CASR: variants seen among roughly 807,000 people sequenced by gnomAD.
The protein encoded by CASR is calcium sensing receptor, also known as extracellular calcium-sensing receptor.
Under a neutral mutation model 69.1 loss-of-function variants are expected in CASR, and 23 were observed. That is an observed-to-expected ratio of 0.33 (90% confidence interval 0.24 to 0.47). CASR has a LOEUF of 0.47. Among genes scored for constraint, CASR ranks in the 20% least tolerant of loss-of-function variants. The pLI, the probability that CASR is intolerant of heterozygous loss-of-function variation, is 1.00. For missense variants in CASR, 924 were observed against 1,356.1 expected, an observed-to-expected ratio of 0.68 and a Z score of 5.00; for synonymous variants, 541 against 544.7, an observed-to-expected ratio of 0.99 and a Z score of 0.10.
At chr3:122,230,860 ACTT>A (rs531262571) in intron 1 of CASR, among the ~76,000 whole-genome samples, 80 of 152,218 alleles carry the variant, frequency 5.3e-4, no homozygotes, top group African/African-American at 1.9e-3. Flanking sequence ...CCTCCACTAG[ACTT>A]CTTCAGCCAA....
Position 122,202,284 on chromosome 3 carries a change from G to A in CASR, c.-243+18472G>A, listed in dbSNP as rs374548870. Among the ~76,000 whole-genome samples, 46 of 152,382 alleles carry A rather than the reference G, an allele frequency of 3.0e-4. 1 individual carries two copies. The South Asian group carries it at 8.7e-3, about 29-fold the overall frequency. On this transcript the variant is annotated intron_variant, in intron 1 of 6. Transcript: ENST00000639785. ...AATCCGAAAACCAGTCAGGCGTGGT[G>A]GCGCGCGCCTGCAATGGCAGGCACT... is the stretch of plus-strand genomic sequence containing the variant.
chr3:122,195,330 T>C (rs1218158960), intron 1 of CASR, among the ~76,000 whole-genome samples: 1 of 152,248 alleles, frequency 6.6e-6, no homozygotes, highest in East Asian at 1.9e-4. Context: ...CAGGTTCATG[T>C]AGCTACACTG....
intron 1 of CASR, among the ~76,000 whole-genome samples, chr3:122,194,815 A>C (rs1215984016): frequency 1.3e-5 from 2 of 152,154 alleles, no homozygotes; most frequent in Non-Finnish European, 2.9e-5. Context: ...AGTATATGCC[A>C]AGAGTCCTTG....
chr3:122,210,055 T>G (rs1191223370), intron 1 of CASR, among the ~76,000 whole-genome samples: 1 of 151,994 alleles, frequency 6.6e-6, no homozygotes, highest in African/African-American at 2.4e-5. Context: ...TGTTAAAAAC[T>G]CTCGATAAAC....
intron 1 of CASR, among the ~76,000 whole-genome samples, chr3:122,190,293 A>T (rs1268430903): frequency 6.6e-6 from 1 of 152,210 alleles, no homozygotes; most frequent in African/African-American, 2.4e-5. Context: ...TGAGGAGGCT[A>T]GGTGATCTTC....
chr3:122,202,289 G>A (rs148668166), intron 1 of CASR, among the ~76,000 whole-genome samples: 22,920 of 152,108 alleles, frequency 0.15, 2,066 homozygotes, highest in African/African-American at 0.25. Flanking sequence ...GTGGTGGCGC[G>A]CGCCTGCAAT....
chr3:122,232,735 G>C (rs2074290240), intron 1 of CASR, among the ~76,000 whole-genome samples: 1 of 152,140 alleles, frequency 6.6e-6, no homozygotes, highest in Non-Finnish European at 1.5e-5. Context: ...TCAATTAGAT[G>C]ATCTCGAAAG....
chr3:122,268,343 A>G (rs2074717267), intron 4 of CASR, among the ~76,000 whole-genome samples: 1 of 152,234 alleles, frequency 6.6e-6, no homozygotes, highest in African/African-American at 2.4e-5. Context: ...CTAAAGTAAT[A>G]TATCTAGCTA....
At chr3:122,252,637 A>C (rs1311955126) in intron 1 of CASR, among the ~76,000 whole-genome samples, 1 of 151,992 alleles carries the variant, frequency 6.6e-6, no homozygotes, top group Non-Finnish European at 1.5e-5. Context: ...AGAATTAAGA[A>C]GTAGAATCTA....
chr3:122,220,151 A>C (rs1007421519), intron 1 of CASR, among the ~76,000 whole-genome samples: 1 of 152,256 alleles, frequency 6.6e-6, no homozygotes, highest in African/African-American at 2.4e-5. Flanking sequence ...AAAAGAGAGA[A>C]GAGAAGAGAC....
chr3:122,227,398 G>A (rs536301352), intron 1 of CASR, among the ~76,000 whole-genome samples: 6 of 152,310 alleles, frequency 3.9e-5, no homozygotes, highest in African/African-American at 7.2e-5. Flanking sequence ...GTGAGAAGTC[G>A]AGCACAGCAG....
At chr3:122,201,994 G>A (rs1188303543) in intron 1 of CASR, among the ~76,000 whole-genome samples, 36 of 152,234 alleles carry the variant, frequency 2.4e-4, no homozygotes, top group Non-Finnish European at 4.0e-4. Context: ...AGGCAGAGAC[G>A]CTCCTCACTT....
intron 3 of CASR, among the ~76,000 whole-genome samples, chr3:122,259,599 A>G (rs2074596830): frequency 1.3e-5 from 2 of 150,880 alleles, no homozygotes; most frequent in South Asian, 2.1e-4. Context: ...TGTAGAAACT[A>G]TCCATCAATA....
At chr3:122,273,856 GT>G (rs2074786001) in intron 4 of CASR, among the ~76,000 whole-genome samples, 2 of 152,178 alleles carry the variant, frequency 1.3e-5, no homozygotes, top group African/African-American at 4.8e-5. Flanking sequence ...AAAAGGATGT[GT>G]TGGGGTAGAG....
At chr3:122,282,785 T>C (rs1464538256) in intron 6 of CASR, among the ~76,000 whole-genome samples, 1 of 152,260 alleles carries the variant, frequency 6.6e-6, no homozygotes, top group Non-Finnish European at 1.5e-5. Context: ...AAATATTAAC[T>C]ATAGTTGATA....
chr3:122,259,960 T>TA (rs2074601099), intron 3 of CASR, among the ~76,000 whole-genome samples: 1 of 152,232 alleles, frequency 6.6e-6, no homozygotes, highest in African/African-American at 2.4e-5. Context: ...TTAAGAAGTT[T>TA]AAAATCTCTC....
chr3:122,200,303 T>C (rs2073934467), intron 1 of CASR, among the ~76,000 whole-genome samples: 1 of 152,232 alleles, frequency 6.6e-6, no homozygotes, highest in Non-Finnish European at 1.5e-5. Flanking sequence ...ACACATTGTA[T>C]ACATGTATTG....
intron 1 of CASR, among the ~76,000 whole-genome samples, chr3:122,233,463 C>T (rs2074298811): frequency 6.6e-6 from 1 of 152,186 alleles, no homozygotes; most frequent in Admixed American, 6.5e-5. Context: ...ACCACAGGTA[C>T]CCTGCTCTGG....
intron 1 of CASR, among the ~76,000 whole-genome samples, chr3:122,244,448 A>AG (rs1240824074): frequency 1.2e-5 from 1 of 81,732 alleles, no homozygotes; most frequent in African/African-American, 4.1e-5. Context: ...TACAATAATG[A>AG]GAAAAAACAA....
Sources: allele counts gnomAD v4.1 joint callset (sites outside exome capture counted in the v4.1 genomes callset), GRCh38; gene constraint gnomAD v4.1.1; transcripts MANE v1.5; gene names NCBI Gene and HGNC (gene_info 2026-07-23, HGNC 2026-07-21).